IMMP2L: variants seen among roughly 807,000 people sequenced by gnomAD.
The protein encoded by IMMP2L is mitochondrial inner membrane protease subunit 2.
In IMMP2L, 18 loss-of-function variants were observed where a neutral mutation model predicts 19.3. That is an observed-to-expected ratio of 0.93 (90% confidence interval 0.64 to 1.38). IMMP2L has a LOEUF of 1.38. IMMP2L is among the 40% of genes most tolerant of loss of function. The probability of loss-of-function intolerance (pLI) is 0.00; values close to 1 mark genes in which losing one functional copy is unlikely to be tolerated. For synonymous variants in IMMP2L, 76 were observed against 73.0 expected, an observed-to-expected ratio of 1.04 and a Z score of -0.21; for missense variants, 233 against 218.2, an observed-to-expected ratio of 1.07 and a Z score of -0.43.
At chr7:111,150,587 G>T (rs1338715182) in intron 3 of IMMP2L, among the ~76,000 whole-genome samples, 1 of 152,170 alleles carries the variant, frequency 6.6e-6, no homozygotes, top group East Asian at 1.9e-4. Flanking sequence ...TAACTAAGGA[G>T]AAGCAAGGTT....
intron 3 of IMMP2L, among the ~76,000 whole-genome samples, chr7:111,334,203 C>G (rs1024362737): frequency 6.6e-6 from 1 of 150,974 alleles, no homozygotes; most frequent in Non-Finnish European, 1.5e-5. Context: ...ATATTTCCCC[C>G]CTTCATCTCC....
At chr7:111,343,719 T>C (rs1827259709) in intron 3 of IMMP2L, among the ~76,000 whole-genome samples, 1 of 151,622 alleles carries the variant, frequency 6.6e-6, no homozygotes, top group Non-Finnish European at 1.5e-5. Flanking sequence ...TAACATAGAA[T>C]AAAAATGTAT....
chr7:111,373,020 C>T lies in IMMP2L; in HGVS notation c.239+114218G>A, dbSNP rs117147083. Among the ~76,000 whole-genome samples, 546 of 151,660 alleles carry T rather than the reference C, an allele frequency of 3.6e-3. 2 individuals carry two copies. Among genetic ancestry groups the T allele is most frequent in the Admixed American group, 6.1e-3 (93 of 15,206 alleles). The stretch of plus-strand genomic sequence containing the variant: ...ATAAAATTATCCAAAGTTTTAATTA[C>T]GGAGGATTAAGAGACTTGCCCCTAC... On this transcript the variant is annotated intron_variant, in intron 3 of 5. Transcript: ENST00000405709.
intron 3 of IMMP2L, among the ~76,000 whole-genome samples, chr7:111,205,364 A>G (rs1810586511): frequency 6.6e-6 from 1 of 152,188 alleles, no homozygotes. Flanking sequence ...GAAGCCCTTC[A>G]CAGTGTTTTT....
chr7:110,702,482 T>C (rs1356710772), intron 5 of IMMP2L, among the ~76,000 whole-genome samples: 1 of 152,184 alleles, frequency 6.6e-6, no homozygotes, highest in Non-Finnish European at 1.5e-5. Context: ...GTGCCTGCAA[T>C]TACACTGAAT....
At chr7:111,079,770 G>T (rs1486654126) in intron 3 of IMMP2L, among the ~76,000 whole-genome samples, 1 of 152,174 alleles carries the variant, frequency 6.6e-6, no homozygotes, top group Non-Finnish European at 1.5e-5. Context: ...TGTGTTGAAA[G>T]CTTGATCCCC....
intron 5 of IMMP2L, among the ~76,000 whole-genome samples, chr7:110,739,604 A>C (rs1390716721): frequency 6.6e-6 from 1 of 152,206 alleles, no homozygotes; most frequent in East Asian, 1.9e-4. Context: ...ATGGCAACAC[A>C]GTAATTGTGG....
intron 3 of IMMP2L, among the ~76,000 whole-genome samples, chr7:111,176,747 T>A (rs2129610141): frequency 6.6e-6 from 1 of 152,104 alleles, no homozygotes; most frequent in African/African-American, 2.4e-5. Flanking sequence ...TAATTAATTG[T>A]ACATTTCAAA....
At chr7:111,242,806 G>C (rs750945876) in intron 3 of IMMP2L, among the ~76,000 whole-genome samples, 16 of 151,796 alleles carry the variant, frequency 1.1e-4, no homozygotes, top group Non-Finnish European at 2.1e-4. Context: ...AAACAACAGA[G>C]AATTTGTCTA....
chr7:111,200,709 A>G (rs1456353248), intron 3 of IMMP2L, among the ~76,000 whole-genome samples: 1 of 152,196 alleles, frequency 6.6e-6, no homozygotes, highest in Non-Finnish European at 1.5e-5. Context: ...ATTTAGAGCA[A>G]TAATGGGACC....
At chr7:111,021,050 G>A (rs1464143380) in intron 3 of IMMP2L, among the ~76,000 whole-genome samples, 1 of 152,132 alleles carries the variant, frequency 6.6e-6, no homozygotes, top group East Asian at 1.9e-4. Flanking sequence ...ATAATGTGTA[G>A]TGATGAAAGC....
intron 3 of IMMP2L, among the ~76,000 whole-genome samples, chr7:111,087,780 A>G (rs545780050): frequency 6.6e-6 from 1 of 152,300 alleles, no homozygotes; most frequent in African/African-American, 2.4e-5. Flanking sequence ...GTCAAATGAG[A>G]GATTATATCT....
intron 5 of IMMP2L, among the ~76,000 whole-genome samples, chr7:110,730,012 AG>A (rs1248382433): frequency 6.6e-6 from 1 of 152,052 alleles, no homozygotes; most frequent in East Asian, 1.9e-4. Context: ...GAACATTATG[AG>A]GTAAAATCAA....
chr7:110,755,788 A>C (rs1287359683), intron 5 of IMMP2L, among the ~76,000 whole-genome samples: 1 of 152,084 alleles, frequency 6.6e-6, no homozygotes, highest in Admixed American at 6.6e-5. Context: ...GTGCTGTAGG[A>C]AACAACATCA....
At chr7:110,804,695 A>C (rs1801499332) in intron 5 of IMMP2L, among the ~76,000 whole-genome samples, 1 of 152,078 alleles carries the variant, frequency 6.6e-6, no homozygotes, top group Non-Finnish European at 1.5e-5. Context: ...TTTCAACTTA[A>C]AGACAATCAG....
intron 3 of IMMP2L, among the ~76,000 whole-genome samples, chr7:111,426,452 A>G (rs1301734846): frequency 2.6e-5 from 4 of 151,050 alleles, no homozygotes; most frequent in African/African-American, 7.3e-5. Flanking sequence ...TCACTTTGGG[A>G]AACAATTCTC....
intron 3 of IMMP2L, among the ~76,000 whole-genome samples, chr7:111,302,838 TGAAA>T (rs1310525286): frequency 1.3e-5 from 2 of 152,100 alleles, no homozygotes; most frequent in Non-Finnish European, 2.9e-5. Flanking sequence ...AGAATACACC[TGAAA>T]GAGAGTTTTC....
chr7:111,417,609 T>C (rs1480410467), intron 3 of IMMP2L, among the ~76,000 whole-genome samples: 3 of 151,826 alleles, frequency 2.0e-5, no homozygotes, highest in Non-Finnish European at 4.4e-5. Context: ...ATGTGTCCCA[T>C]GGCAACGAGA....
At chr7:110,890,915 G>A (rs1248323331) in intron 4 of IMMP2L, among the ~76,000 whole-genome samples, 1 of 151,962 alleles carries the variant, frequency 6.6e-6, no homozygotes, top group Non-Finnish European at 1.5e-5. Flanking sequence ...TATTGTCTAG[G>A]TAATTCTTGT....
Sources: allele counts gnomAD v4.1 joint callset (sites outside exome capture counted in the v4.1 genomes callset), GRCh38; gene constraint gnomAD v4.1.1; transcripts MANE v1.5; gene names NCBI Gene and HGNC (gene_info 2026-07-23, HGNC 2026-07-21).